Variants in DNM1L observed in about 807,000 individuals in gnomAD.
DNM1L encodes the protein dynamin 1L.
In DNM1L, 33 loss-of-function variants were observed where a neutral mutation model predicts 92.8. That is an observed-to-expected ratio of 0.36 (90% confidence interval 0.27 to 0.48). The LOEUF is 0.48. Ranked by LOEUF, DNM1L falls within the 20% of genes least tolerant of loss-of-function variation. DNM1L has a pLI of 0.99. For missense variants in DNM1L, 485 were observed against 888.8 expected (o/e 0.55, Z 5.78); for synonymous variants, 284 against 305.0 (o/e 0.93, Z 0.72).
At chr12:32,717,912 TAAA>T (rs1455249868) in intron 6 of DNM1L, among the ~76,000 whole-genome samples, 74 of 80,336 alleles carry the variant, frequency 9.2e-4, no homozygotes, top group South Asian at 7.7e-3. Context: ...AGTATATATA[TAAA>T]ATATAGTATA....
intron 1 of DNM1L, among the ~76,000 whole-genome samples, chr12:32,688,899 A>G (rs866156232): frequency 1.3e-5 from 2 of 152,198 alleles, no homozygotes; most frequent in South Asian, 2.1e-4. Context: ...TTAAGTTCAT[A>G]TAAGAACACT....
At chr12:32,713,170 TTTAA>T in intron 5 of DNM1L, 35 bp from the exon 6 acceptor site, 2 of 1,611,382 alleles carry the variant, frequency 1.2e-6, no homozygotes, top group Non-Finnish European at 1.7e-6. Flanking sequence ...TGAGTTGATT[TTTAA>T]TTATTAGTTC....
intron 9 of DNM1L, chr12:32,726,473 T>C (rs1413371288): frequency 9.1e-7 from 1 of 1,104,432 alleles, no homozygotes; most frequent in African/African-American, 1.5e-5. Flanking sequence ...CCTCATCTGC[T>C]TCTTCACCTT....
intron 14 of DNM1L, chr12:32,737,500 A>T (rs550077000): frequency 1.3e-4 from 48 of 379,558 alleles, no homozygotes; most frequent in South Asian, 1.2e-3. Flanking sequence ...GTTTCTTGGA[A>T]AAAACAGTAT....
chr12:32,727,505 AAAG>A (rs1954227628), intron 9 of DNM1L: 1 of 576,656 alleles, frequency 1.7e-6, no homozygotes, highest in Admixed American at 3.0e-5. Context: ...GGCGCTAAAA[AAAG>A]AGACCCTATC....
intron 6 of DNM1L, 111 bp downstream of exon 6, chr12:32,713,482 T>A: frequency 8.7e-7 from 1 of 1,154,196 alleles, no homozygotes; most frequent in Non-Finnish European, 1.3e-6. Context: ...AATACAAATT[T>A]AAAAGATAAT....
chr12:32,738,088 T>C (rs1188908793), intron 15 of DNM1L, 146 bp downstream of exon 15: 2 of 1,071,638 alleles, frequency 1.9e-6, no homozygotes, highest in South Asian at 3.0e-5. Flanking sequence ...TATTTTAAAA[T>C]TATATAACAA....
Position 32,744,944 on chromosome 12 carries a change from A to G in DNM1L, c.*1534A>G, listed in dbSNP as rs778184307. ...TAGACAACACATTTATATTGCAGAT[A>G]TTACTTTTTTTTCAGTTTATGACCA... On this transcript the variant is annotated 3_prime_UTR_variant, in exon 20 of 20. Transcript: ENST00000549701. 4 of 518,572 alleles carry G rather than the reference A, an allele frequency of 7.7e-6. No homozygotes were observed. Among genetic ancestry groups the G allele is most frequent in the African/African-American group, 7.7e-5 (4 of 51,948 alleles). The allele number at this position is 518,572 out of a possible 1,614,324, so 32.1% of individuals were successfully genotyped here.
chr12:32,698,269 G>A (rs2137285525), intron 1 of DNM1L, among the ~76,000 whole-genome samples: 1 of 152,292 alleles, frequency 6.6e-6, no homozygotes, highest in South Asian at 2.1e-4. Flanking sequence ...TCTGTCTTCT[G>A]ATTTGGATGT....
chr12:32,727,164 C>G lies in DNM1L; in HGVS notation c.1080-3850C>G, dbSNP rs116740356. The stretch of plus-strand genomic sequence containing the variant: ...ATCTTCTTCATCTGGTTTCCATTCA[C>G]ATTCTTCCTCTGTAGGTTCATAAAT... On this transcript the variant is annotated intron_variant, in intron 9 of 19. Coordinates refer to ENST00000549701, the MANE Select transcript of DNM1L (RefSeq NM_012062.5). 3,186 of 837,320 alleles carry G rather than the reference C, an allele frequency of 3.8e-3. 82 individuals carry two copies. The African/African-American group carries it at 0.048, about 13-fold the overall frequency. 51.9% of individuals were successfully genotyped at this position (837,320 alleles called of 1,614,324 possible). A position where few individuals can be genotyped will look rare whatever the true frequency, so the allele number is the denominator to read the frequency against.
chr12:32,713,423 A>G lies in DNM1L; in HGVS notation c.619+52A>G, dbSNP rs772027996. 2.5e-6 allele frequency: 4 copies of G among 1,592,848 alleles called. No homozygotes were observed. In the Admixed American group the frequency reaches 6.7e-5, roughly 27 times the overall value. On this transcript the variant is annotated intron_variant, in intron 6 of 19. Transcript: ENST00000549701. ...ATGCTTATTTTACAATGGTAAATCT[A>G]CCCTTGAGAAAGGAATTTTTCTCTT...
At chr12:32,696,494 T>C (rs1243100010) in intron 1 of DNM1L, among the ~76,000 whole-genome samples, 2 of 151,488 alleles carry the variant, frequency 1.3e-5, no homozygotes, top group African/African-American at 4.9e-5. Context: ...CCAAGTTACT[T>C]GGAAGGCTGA....
chr12:32,683,676 C>T (rs888656325), intron 1 of DNM1L, among the ~76,000 whole-genome samples: 4 of 152,008 alleles, frequency 2.6e-5, no homozygotes, highest in South Asian at 2.1e-4. Context: ...TCCTGAGTAG[C>T]TGGGATTACA....
intron 12 of DNM1L, among the ~76,000 whole-genome samples, chr12:32,732,779 A>AT (rs1309202388): frequency 6.6e-6 from 1 of 152,222 alleles, no homozygotes; most frequent in Non-Finnish European, 1.5e-5. Context: ...AGGACAGCAC[A>AT]TAATAAAGGG....
intron 1 of DNM1L, among the ~76,000 whole-genome samples, chr12:32,695,968 A>AAG (rs1363194457): frequency 6.6e-6 from 1 of 152,034 alleles, no homozygotes; most frequent in South Asian, 2.1e-4. Flanking sequence ...GAAACAAGTA[A>AAG]AGAAAATCCA....
chr12:32,679,803 G>C, intron 1 of DNM1L: 1 of 1,027,544 alleles, frequency 9.7e-7, no homozygotes. Context: ...CCTCGTCCGC[G>C]TGCCGCTGCC....
intron 1 of DNM1L, among the ~76,000 whole-genome samples, chr12:32,695,146 A>G (rs902083456): frequency 6.6e-6 from 1 of 152,204 alleles, no homozygotes; most frequent in African/African-American, 2.4e-5. Context: ...TACCTCAGAA[A>G]GCAAGAAACT....
At chr12:32,702,136 A>G (rs1184109223) in intron 2 of DNM1L, among the ~76,000 whole-genome samples, 1 of 149,556 alleles carries the variant, frequency 6.7e-6, no homozygotes, top group African/African-American at 2.5e-5. Flanking sequence ...CAGGAGGCTG[A>G]GGCAGAAGAA....
In DNM1L at chr12:32,744,655, G is replaced by A. The variant is rs1955527956; in HGVS notation, c.*1245G>A. ...TTGACCCTGGGAGGTGGAGGTTGTG[G>A]TGAGCTAAGATCGTGCCATTGCACT... On this transcript the variant is annotated 3_prime_UTR_variant, in exon 20 of 20. Coordinates refer to ENST00000549701, the MANE Select transcript of DNM1L (RefSeq NM_012062.5). The A allele has an allele frequency of 3.2e-6, 1 of 312,256 alleles. No homozygotes were observed. Among genetic ancestry groups the A allele is most frequent in the Non-Finnish European group, 6.1e-6 (1 of 163,314 alleles). The allele number at this position is 312,256 out of a possible 1,614,324, so 19.3% of individuals were successfully genotyped here. A position where few individuals can be genotyped will look rare whatever the true frequency, so the allele number is the denominator to read the frequency against.
Sources: allele counts gnomAD v4.1 joint callset (sites outside exome capture counted in the v4.1 genomes callset), GRCh38; gene constraint gnomAD v4.1.1; transcripts MANE v1.5; gene names NCBI Gene and HGNC (gene_info 2026-07-23, HGNC 2026-07-21).